Variants in CCDC141 observed in about 807,000 individuals in gnomAD.
CCDC141 encodes coiled-coil domain-containing protein 141.
CCDC141 carries 168 observed loss-of-function variants against 181.0 expected under a neutral mutation model. That is an observed-to-expected ratio of 0.93 (90% CI 0.82 to 1.05). The LOEUF (loss-of-function observed/expected upper bound fraction) is 1.05, where lower values mean the gene tolerates loss of function less well. Ranked by LOEUF, CCDC141 falls within the 50% of genes least tolerant of loss-of-function variation. The pLI is 0.00. For synonymous variants in CCDC141, 666 were observed against 642.3 expected, an observed-to-expected ratio of 1.04 and a Z score of -0.56; for missense variants, 1,902 against 1,788.5, an observed-to-expected ratio of 1.06 and a Z score of -1.14.
intron 5 of CCDC141, among the ~76,000 whole-genome samples, chr2:178,947,040 G>GGT (rs1362859030): frequency 3.3e-5 from 5 of 152,198 alleles, no homozygotes; most frequent in African/African-American, 1.2e-4. Flanking sequence ...CACAGGAGCA[G>GGT]ACTCTTCGAT....
At chr2:179,045,608 A>G (rs1475412070) in intron 2 of CCDC141, among the ~76,000 whole-genome samples, 2 of 151,726 alleles carry the variant, frequency 1.3e-5, no homozygotes, top group African/African-American at 4.8e-5. Context: ...CAATGGTTGA[A>G]CTAGTTTACA....
intron 5 of CCDC141, among the ~76,000 whole-genome samples, chr2:178,955,669 C>A (rs1219944878): frequency 1.3e-5 from 2 of 151,764 alleles, no homozygotes; most frequent in African/African-American, 4.8e-5. Context: ...TGTGTGTGTG[C>A]CTATGACTAT....
chr2:178,923,217 G>A lies in CCDC141; in HGVS notation c.898-4310C>T, dbSNP rs376328905. Among the ~76,000 whole-genome samples, 121 of 148,770 alleles carry A rather than the reference G, an allele frequency of 8.1e-4. 1 individual carries two copies. Among genetic ancestry groups the A allele is most frequent in the African/African-American group, 2.8e-3 (115 of 40,526 alleles). On this transcript the variant is annotated intron_variant, in intron 6 of 23. Transcript: ENST00000443758. Reference sequence around the variant, plus strand: ...CCTCCCGGGTTCACGCCATTCTCCTGCCTCAGCCTCCCAAGTAGCTGGGAC... The same window carrying A: ...CCTCCCGGGTTCACGCCATTCTCCTACCTCAGCCTCCCAAGTAGCTGGGAC...
intron 2 of CCDC141, among the ~76,000 whole-genome samples, chr2:179,016,525 C>T (rs2042547294): frequency 6.6e-6 from 1 of 151,922 alleles, no homozygotes; most frequent in South Asian, 2.1e-4. Context: ...AAGAATGGTC[C>T]ATCTTCACAT....
intron 2 of CCDC141, among the ~76,000 whole-genome samples, chr2:178,995,494 A>G (rs1363266761): frequency 6.6e-6 from 1 of 152,190 alleles, no homozygotes; most frequent in East Asian, 1.9e-4. Context: ...ACACAACCAC[A>G]CCATATCAAG....
intron 2 of CCDC141, among the ~76,000 whole-genome samples, chr2:179,022,240 C>A (rs2042709899): frequency 6.6e-6 from 1 of 152,096 alleles, no homozygotes; most frequent in Non-Finnish European, 1.5e-5. Context: ...GTCCTGGAAG[C>A]TTATCAAGAA....
intron 5 of CCDC141, among the ~76,000 whole-genome samples, chr2:178,956,518 G>C (rs2154378478): frequency 6.6e-6 from 1 of 152,150 alleles, no homozygotes; most frequent in South Asian, 2.1e-4. Context: ...ACCCAAGCTG[G>C]TCTCGAATTC....
At chr2:178,817,991 C>T in the CCDC141 span, among the ~76,000 whole-genome samples, 12 of 151,990 alleles carry the variant, frequency 7.9e-5, no homozygotes, top group African/African-American at 1.4e-4. Flanking sequence ...TTAGTAGAGA[C>T]GAGATTTCAC....
chr2:178,983,372 G>T (rs1377994505), intron 2 of CCDC141, among the ~76,000 whole-genome samples: 1 of 152,200 alleles, frequency 6.6e-6, no homozygotes, highest in South Asian at 2.1e-4. Flanking sequence ...GGAAAAAACA[G>T]AACAGAAAAA....
chr2:179,024,063 G>A (rs2042762451), intron 2 of CCDC141, among the ~76,000 whole-genome samples: 1 of 152,170 alleles, frequency 6.6e-6, no homozygotes, highest in Non-Finnish European at 1.5e-5. Context: ...AGGCCATAAT[G>A]GCATTCCAAA....
intron 5 of CCDC141, among the ~76,000 whole-genome samples, chr2:178,952,625 T>C (rs541570801): frequency 6.6e-6 from 1 of 152,336 alleles, no homozygotes; most frequent in South Asian, 2.1e-4. Flanking sequence ...TCTGTCAAAA[T>C]TACATGCTCC....
rs139841256 is a variant in CCDC141, at chr2:178,870,537, G to C, written c.2205+890C>G. On this transcript the variant is annotated intron_variant, in intron 14 of 23. Transcript: ENST00000443758. ...AGCAGATAACGCAGGGTGTATTAAA[G>C]AGCCTAATATAGGCCAGTCACATTT... is the stretch of plus-strand genomic sequence containing the variant. Among the ~76,000 whole-genome samples, 235 of 152,232 alleles carry C rather than the reference G, an allele frequency of 1.5e-3. 4 individuals are homozygous for C. Among genetic ancestry groups the C allele is most frequent in the African/African-American group, 5.2e-3 (214 of 41,548 alleles).
chr2:178,820,808 A>T, the CCDC141 span, among the ~76,000 whole-genome samples: 4 of 152,150 alleles, frequency 2.6e-5, no homozygotes, highest in African/African-American at 9.7e-5. Flanking sequence ...ATTGCCTGAA[A>T]CTGGTACTGA....
At chr2:178,896,660 G>A (rs572095230) in intron 8 of CCDC141, among the ~76,000 whole-genome samples, 7 of 152,238 alleles carry the variant, frequency 4.6e-5, no homozygotes, top group Middle Eastern at 3.4e-3. Flanking sequence ...CTGAATGAAA[G>A]GAGTAGAAAG....
At chr2:178,888,810 T>C (rs1687010488) in intron 8 of CCDC141, 142 bp from the exon 9 acceptor site, 1 of 842,576 alleles carries the variant, frequency 1.2e-6, no homozygotes, top group African/African-American at 1.7e-5. Context: ...AGCTATCATC[T>C]CGGCATAGCA....
chr2:178,829,569 G>A (rs1684180338), downstream of CCDC141, among the ~76,000 whole-genome samples: 2 of 152,198 alleles, frequency 1.3e-5, no homozygotes, highest in South Asian at 4.1e-4. Flanking sequence ...ATGCACAACT[G>A]ATAACATTCA....
intron 5 of CCDC141, among the ~76,000 whole-genome samples, chr2:178,952,365 T>C (rs1418703404): frequency 6.6e-6 from 1 of 152,236 alleles, no homozygotes; most frequent in Non-Finnish European, 1.5e-5. Flanking sequence ...CAAAGCATTT[T>C]AAAATATATA....
At chr2:178,937,149 G>A (rs575805112) in intron 6 of CCDC141, among the ~76,000 whole-genome samples, 1 of 152,286 alleles carries the variant, frequency 6.6e-6, no homozygotes, top group African/African-American at 2.4e-5. Flanking sequence ...TGGTGAAAGA[G>A]GGCATCCTTG....
At chr2:178,954,318 C>T (rs1675841899) in intron 5 of CCDC141, among the ~76,000 whole-genome samples, 2 of 152,330 alleles carry the variant, frequency 1.3e-5, no homozygotes, top group South Asian at 2.1e-4. Flanking sequence ...AAATAAGATG[C>T]TGCTGGAGCT....
Sources: allele counts gnomAD v4.1 joint callset (sites outside exome capture counted in the v4.1 genomes callset), GRCh38; gene constraint gnomAD v4.1.1; transcripts MANE v1.5; gene names NCBI Gene and HGNC (gene_info 2026-07-23, HGNC 2026-07-21).